MDN1: variants seen among roughly 807,000 people sequenced by gnomAD.
MDN1 encodes midasin.
MDN1 carries 266 observed loss-of-function variants against 669.2 expected under a neutral mutation model. The observed-to-expected ratio is 0.40, with a 90% CI of 0.36 to 0.44. MDN1 has a LOEUF of 0.44. MDN1 is among the 20% of genes least tolerant of loss of function. MDN1 has a pLI of 1.00. For synonymous variants in MDN1, 2,385 were observed against 2,457.1 expected (o/e 0.97, Z 0.87); for missense variants, 5,940 against 6,754.0 (o/e 0.88, Z 4.22).
At chr6:89,818,456 G>A (rs763389834) in intron 1 of MDN1, among the ~76,000 whole-genome samples, 1 of 151,568 alleles carries the variant, frequency 6.6e-6, no homozygotes, top group African/African-American at 2.4e-5. Context: ...CAACAAAGGG[G>A]GACCTTACAA....
chr6:89,740,125 CT>C, intron 32 of MDN1, 108 bp downstream of exon 32: 1 of 1,317,266 alleles, frequency 7.6e-7, no homozygotes, highest in Non-Finnish European at 1.0e-6. Flanking sequence ...TTTTTACCCA[CT>C]TTTTACCTAA....
At chr6:89,810,403 T>C (rs1021213848) in intron 1 of MDN1, among the ~76,000 whole-genome samples, 11 of 151,704 alleles carry the variant, frequency 7.3e-5, no homozygotes, top group African/African-American at 2.7e-4. Flanking sequence ...GCCACTGTAC[T>C]CTAGCCTGGG....
At chr6:89,789,738 G>T (rs368330828) in intron 7 of MDN1, 42 bp downstream of exon 7, 27 of 1,542,604 alleles carry the variant, frequency 1.8e-5, no homozygotes, top group Non-Finnish European at 2.4e-5. Context: ...TCCAAGACAG[G>T]AAAATATATT....
chr6:89,727,277 C>G (rs1815300296), intron 37 of MDN1, among the ~76,000 whole-genome samples: 7 of 152,174 alleles, frequency 4.6e-5, no homozygotes. Flanking sequence ...ATCATTTCAG[C>G]TCCACAAATA....
chr6:89,670,155 TATATATATATATATA>T (rs1810576895), intron 83 of MDN1, among the ~76,000 whole-genome samples: 4 of 23,106 alleles, frequency 1.7e-4, no homozygotes, highest in East Asian at 4.2e-3. Flanking sequence ...TATATATATA[TATATATATATATATA>T]TTTTTTTTTT....
At chr6:89,744,372 G>A (rs1816474676) in intron 29 of MDN1, among the ~76,000 whole-genome samples, 1 of 152,106 alleles carries the variant, frequency 6.6e-6, no homozygotes, top group African/African-American at 2.4e-5. Context: ...CTTGGGCCCA[G>A]GAGTTCAAGA....
At chr6:89,724,091 C>A (rs1283133730) in intron 38 of MDN1, among the ~76,000 whole-genome samples, 4 of 151,072 alleles carry the variant, frequency 2.6e-5, no homozygotes. Context: ...TGCAGTGAGC[C>A]AAGATCACGC....
intron 22 of MDN1, among the ~76,000 whole-genome samples, chr6:89,751,879 T>G (rs1816974611): frequency 6.6e-6 from 1 of 152,172 alleles, no homozygotes; most frequent in Non-Finnish European, 1.5e-5. Flanking sequence ...CCCACTCCAA[T>G]TATTTTTATC....
chr6:89,701,271 A>G (rs1361120027), intron 55 of MDN1, among the ~76,000 whole-genome samples: 3 of 152,230 alleles, frequency 2.0e-5, no homozygotes, highest in South Asian at 4.1e-4. Flanking sequence ...CTATTTACAC[A>G]GCGTTTATAT....
intron 11 of MDN1, 121 bp downstream of exon 11, chr6:89,780,091 A>AT: frequency 1.7e-6 from 1 of 576,830 alleles, no homozygotes. Context: ...CAAAAAAAGA[A>AT]TAACAAACCA....
chr6:89,759,098 C>G (rs1047010991), intron 17 of MDN1, 138 bp from the exon 18 acceptor site: 17 of 793,348 alleles, frequency 2.1e-5, no homozygotes, highest in Non-Finnish European at 2.9e-5. Flanking sequence ...AACTGGCTGA[C>G]AGCAGATAGG....
intron 1 of MDN1, among the ~76,000 whole-genome samples, chr6:89,817,237 G>C (rs141166941): frequency 1.3e-5 from 2 of 152,240 alleles, no homozygotes; most frequent in South Asian, 2.1e-4. Flanking sequence ...GGATCTCCTG[G>C]GGCTGTGTCA....
chr6:89,647,985 C>T, intron 99 of MDN1, 47 bp downstream of exon 99: 1 of 1,394,784 alleles, frequency 7.2e-7, no homozygotes, highest in South Asian at 1.2e-5. Flanking sequence ...CAACCTACAC[C>T]AGTTTAAAAA....
At chr6:89,762,185 C>G in intron 16 of MDN1, 134 bp downstream of exon 16, 1 of 715,324 alleles carries the variant, frequency 1.4e-6, no homozygotes. Context: ...GGGCACAATA[C>G]TTCACAATTA....
At position 89,785,024 on chromosome 6, in the gene MDN1, T is replaced by C. The variant is rs747368950; in HGVS notation, c.1437A>G (p.Arg479=). The change falls in exon 9 of 102, where the codon AGA becomes AGG. Residue 479 remains arginine (R), a synonymous_variant. Coordinates refer to ENST00000369393, the MANE Select transcript of MDN1 (RefSeq NM_014611.3). ...TKIHLDNLDK[R]ELNEVLQSRY... is the part of the protein sequence containing the mutation. ...AAGACCCACGTACCTCATTCAGTTC[T>C]CTCTTATCCAGGTTATCCAGGTGAA... The C allele has an allele frequency of 2.5e-6, 4 of 1,611,138 alleles. No homozygotes were observed. Among genetic ancestry groups the C allele is most frequent in the Middle Eastern group, 1.7e-4 (1 of 6,058 alleles).
At position 89,754,196 on chromosome 6, in the gene MDN1, T is replaced by C; in HGVS notation, c.2851A>G (p.Lys951Glu). ...CTATGGCCAGTGCCATCCACCAGTT[T>C]GGTCCCAGACTCTTTCCGCAAAGCT... ...YTALRKESGT[K>E]LVDGTGHRPH... Residue 951 changes from lysine (K) to glutamate (E), a missense_variant, in exon 21 of 102, where the codon AAA becomes GAA. Coordinates refer to ENST00000369393, the MANE Select transcript of MDN1 (RefSeq NM_014611.3). 1 of 1,614,082 alleles carries C rather than the reference T, an allele frequency of 6.2e-7. No homozygotes were observed. Among genetic ancestry groups the C allele is most frequent in the South Asian group, 1.1e-5 (1 of 91,072 alleles).
At chr6:89,658,463 C>G (rs1198985876) in intron 89 of MDN1, 93 bp from the exon 90 acceptor site, 3 of 1,563,870 alleles carry the variant, frequency 1.9e-6, no homozygotes, top group African/African-American at 1.4e-5. Flanking sequence ...CCACTCCTCA[C>G]TAAGGGTCTT....
rs781607864 is a variant in MDN1 at position 89,672,589 on chromosome 6, C to T, written c.13588G>A (p.Ala4530Thr). 4 of 1,614,154 alleles carry T rather than the reference C, an allele frequency of 2.5e-6. No individual in the cohort carries two copies. The highest frequency in any genetic ancestry group is 1.7e-5 in the Admixed American group (1 of 60,012). ...CTTGCTTGGTCAGTGTTCTCCTCTGCTTTTTCATTCTTTCTTTCTTCTAAG... is the reference window on the plus strand; with the variant it reads ...CTTGCTTGGTCAGTGTTCTCCTCTGTTTTTTCATTCTTTCTTTCTTCTAAG... ...QNLEERKNEK[A>T]EENTDQASPQ... The change falls in exon 81 of 102, where the codon GCA becomes ACA. Residue 4530 changes from alanine (A) to threonine (T), a missense_variant. This residue lies in a region of MDN1 where 2,280 missense variants were observed against 2,576.3 expected (regional missense o/e 0.88). Coordinates refer to ENST00000369393, the MANE Select transcript of MDN1 (RefSeq NM_014611.3).
rs182170767 is a variant in MDN1 at position 89,665,012 on chromosome 6, A to T, written c.14095-384T>A. ...TCTTGGTCATTCTTCCTTGGTTTCT[A>T]TATTTCTTCTATAAAAAATTATTTT... On this transcript the variant is annotated intron_variant, in intron 84 of 101. Coordinates refer to ENST00000369393, the MANE Select transcript of MDN1 (RefSeq NM_014611.3). Among the ~76,000 whole-genome samples the T allele has an allele frequency of 6.6e-5, 10 of 152,136 alleles. No homozygotes were observed. In the East Asian group the frequency reaches 1.9e-3, roughly 29 times the overall value.
Sources: gnomAD v4.1 joint callset for allele counts (sites outside exome capture counted in the v4.1 genomes callset) on GRCh38, gnomAD v4.1.1 for gene constraint, gnomAD v4.1.1 regional missense constraint, MANE v1.5 for transcripts, NCBI Gene and HGNC (gene_info 2026-07-23, HGNC 2026-07-21) for gene names.